The following YIF1B variants were observed in gnomAD, a reference collection of about 807,000 sequenced individuals.
YIF1B encodes protein YIF1B.
In YIF1B, 24 loss-of-function variants were observed where a neutral mutation model predicts 34.6. The ratio of observed to expected loss-of-function variants is 0.69; its 90% CI spans 0.50 to 0.98. The LOEUF (loss-of-function observed/expected upper bound fraction) is 0.98, where lower values mean the gene tolerates loss of function less well. YIF1B is among the 50% of genes least tolerant of loss of function. The probability of loss-of-function intolerance (pLI) is 0.00; values close to 1 mark genes in which losing one functional copy is unlikely to be tolerated. For synonymous variants in YIF1B, 186 were observed against 184.8 expected (o/e 1.01, Z -0.05); for missense variants, 368 against 429.4 (o/e 0.86, Z 1.26).
chr19:38,305,849 T>A (rs953695751), intron 7 of YIF1B, among the ~76,000 whole-genome samples: 6 of 152,190 alleles, frequency 3.9e-5, no homozygotes, highest in Non-Finnish European at 5.9e-5. Context: ...CCCCCCCTTA[T>A]GCTGGCCACA....
rs1968882083 is a variant in YIF1B at position 38,304,239 on chromosome 19, A to AG, written c.*1112dup. On this transcript the variant is annotated 3_prime_UTR_variant, in exon 8 of 8. Transcript: ENST00000339413. ...GCAGGGCCCAGGCGCCCTTGGCCTT[A>AG]GGACCCAACTTCTCTTACCGCCATG... 6.2e-7 allele frequency: 1 copy of AG among 1,613,460 alleles called. No homozygotes were observed. Among genetic ancestry groups the AG allele is most frequent in the Admixed American group, 1.7e-5 (1 of 60,004 alleles).
chr19:38,304,476 G>T lies in YIF1B; in HGVS notation c.*876C>A. 2 of 1,555,450 alleles carry T rather than the reference G, an allele frequency of 1.3e-6. No individual in the cohort carries two copies. The highest frequency in any genetic ancestry group is 1.7e-6 in the Non-Finnish European group (2 of 1,149,902). ...TCAGGGCCGGTCGGAGGCAGGGGCA[G>T]GTCCGGGTCCAAAGGTAAGTCGCCT... On this transcript the variant is annotated 3_prime_UTR_variant, in exon 8 of 8. Transcript: ENST00000339413.
chr19:38,305,228 T>C lies in YIF1B; in HGVS notation c.*124A>G. 2.8e-6 allele frequency: 4 copies of C among 1,445,118 alleles called. No homozygotes were observed. Among genetic ancestry groups the C allele is most frequent in the Non-Finnish European group, 3.7e-6 (4 of 1,091,254 alleles). 89.5% of individuals were successfully genotyped at this position (1,445,118 alleles called of 1,614,324 possible). A position where few individuals can be genotyped will look rare whatever the true frequency, so the allele number is the denominator to read the frequency against. ...GTTGGGGGCGGGGCTGGGCGGGACATGGGATGGAGGCGGTGCCTGTGGCCA... is the reference window on the plus strand; with the variant it reads ...GTTGGGGGCGGGGCTGGGCGGGACACGGGATGGAGGCGGTGCCTGTGGCCA... On this transcript the variant is annotated 3_prime_UTR_variant, in exon 8 of 8. Transcript: ENST00000339413.
At chr19:38,316,185 A>C (rs1187642083), upstream of YIF1B, among the ~76,000 whole-genome samples, 1 of 152,190 alleles carries the variant, frequency 6.6e-6, no homozygotes, top group Non-Finnish European at 1.5e-5. Flanking sequence ...GACCAATCCC[A>C]GGAGGAGGCG....
intron 1 of YIF1B, among the ~76,000 whole-genome samples, chr19:38,314,054 T>C (rs914048925): frequency 6.6e-6 from 1 of 152,140 alleles, no homozygotes; most frequent in Non-Finnish European, 1.5e-5. Context: ...TGAGGCGTTG[T>C]TTCGCTCGTT....
chr19:38,311,698 TG>T (rs1969332323), intron 1 of YIF1B, among the ~76,000 whole-genome samples: 1 of 152,060 alleles, frequency 6.6e-6, no homozygotes, highest in South Asian at 2.1e-4. Flanking sequence ...TGGGAGACCA[TG>T]GCAGACAGGA....
In YIF1B at chr19:38,304,753, G is replaced by A. The variant is rs1216656215; in HGVS notation, c.*599C>T. The A allele has an allele frequency of 1.2e-6, 2 of 1,611,436 alleles. No individual in the cohort carries two copies. Among genetic ancestry groups the A allele is most frequent in the Non-Finnish European group, 1.7e-6 (2 of 1,178,128 alleles). ...CCCCAGAGAGGCGTCCCCGCACTGG[G>A]GCTGGCGGGGAGGGTGCGGGGAGTG... On this transcript the variant is annotated 3_prime_UTR_variant, in exon 8 of 8. Coordinates refer to ENST00000339413, the MANE Select transcript of YIF1B (RefSeq NM_001039672.3).
At chr19:38,319,808 A>G (rs1600418741), upstream of YIF1B, 2 of 844,258 alleles carry the variant, frequency 2.4e-6, no homozygotes, top group Non-Finnish European at 3.3e-6. Context: ...GCCGCCCCCC[A>G]CCTCCCCTTT....
chr19:38,321,218 G>A (rs776438968), upstream of YIF1B, among the ~76,000 whole-genome samples: 6 of 152,188 alleles, frequency 3.9e-5, no homozygotes, highest in Non-Finnish European at 8.8e-5. Flanking sequence ...TCCTCAGCAA[G>A]GACCTGGCAC....
In YIF1B at chr19:38,305,449, C is replaced by A. The variant is rs759866150; in HGVS notation, c.848G>T (p.Arg283Leu). The A allele has an allele frequency of 1.2e-5, 19 of 1,609,604 alleles. No homozygotes were observed. The highest frequency in any genetic ancestry group is 1.5e-5 in the Non-Finnish European group (18 of 1,177,850). Residue 283 changes from arginine (R) to leucine (L), a missense_variant, in exon 8 of 8, where the codon CGT becomes CTT. Around this residue, in one of 3 missense-constraint regions of YIF1B, gnomAD observed 208 missense variants for 247.8 expected, o/e 0.84. Transcript: ENST00000339413. ...CATGCGCAGCTGGTTCCGGGCCCCA[C>A]GCACCGGGACCCCCTCAGCTGCTGC... Reference protein sequence around the residue: ...ADAAAEGVPVRGARNQLRMYL... With the variant: ...ADAAAEGVPVLGARNQLRMYL...
upstream of YIF1B, chr19:38,319,815 C>T: frequency 2.1e-6 from 2 of 931,374 alleles, no homozygotes; most frequent in Non-Finnish European, 2.9e-6. Flanking sequence ...CCCACCTCCC[C>T]TTTTTCCTCT....
chr19:38,320,071 G>C (rs1257400935), upstream of YIF1B: 1 of 1,526,966 alleles, frequency 6.5e-7, no homozygotes, highest in Non-Finnish European at 8.7e-7. Context: ...AGCCGAGCTG[G>C]AGACGCTGCG....
chr19:38,321,498 G>A (rs1969651472), upstream of YIF1B, among the ~76,000 whole-genome samples: 1 of 152,254 alleles, frequency 6.6e-6, no homozygotes, highest in South Asian at 2.1e-4. Context: ...CCACCGTGGA[G>A]GGACCCCGAG....
intron 1 of YIF1B, among the ~76,000 whole-genome samples, chr19:38,314,272 G>GCACCCTC (rs1670053329): frequency 6.8e-6 from 1 of 147,200 alleles, no homozygotes; most frequent in South Asian, 2.1e-4. Flanking sequence ...TCGGCCCACT[G>GCACCCTC]CACCCTCCAC....
chr19:38,314,148 C>A (rs1445395862), intron 1 of YIF1B, among the ~76,000 whole-genome samples: 1 of 151,784 alleles, frequency 6.6e-6, no homozygotes, highest in Non-Finnish European at 1.5e-5. Flanking sequence ...GCCTCAGCCG[C>A]CCGAGTAGCT....
upstream of YIF1B, among the ~76,000 whole-genome samples, chr19:38,319,456 T>C (rs1969619448): frequency 6.6e-6 from 1 of 152,182 alleles, no homozygotes. Flanking sequence ...CTGTTCCCAC[T>C]CCGAGGCTCA....
intron 1 of YIF1B, among the ~76,000 whole-genome samples, chr19:38,313,997 A>G (rs1022645395): frequency 6.6e-6 from 1 of 152,168 alleles, no homozygotes; most frequent in African/African-American, 2.4e-5. Context: ...TTTACTTGGC[A>G]CAGGCCTCCA....
intron 1 of YIF1B, among the ~76,000 whole-genome samples, chr19:38,311,645 G>A (rs932803488): frequency 6.6e-6 from 1 of 152,194 alleles, no homozygotes; most frequent in Non-Finnish European, 1.5e-5. Context: ...GAACAGATGA[G>A]GGGTGGGCAG....
At chr19:38,307,902 A>C in intron 5 of YIF1B, 150 bp from the exon 6 acceptor site, 3 of 1,108,568 alleles carry the variant, frequency 2.7e-6, no homozygotes, top group Non-Finnish European at 3.8e-6. Context: ...CGGAAATCCC[A>C]TCCAGAGAGG....
Sources: allele counts gnomAD v4.1 joint callset (sites outside exome capture counted in the v4.1 genomes callset), GRCh38; gene constraint gnomAD v4.1.1; regional missense constraint gnomAD v4.1.1; transcripts MANE v1.5; gene names NCBI Gene and HGNC (gene_info 2026-07-23, HGNC 2026-07-21).